The following PCDHGB5 variants were observed in gnomAD, a reference collection of about 807,000 sequenced individuals.
The protein encoded by PCDHGB5 is protocadherin gamma-B5.
Under a neutral mutation model 62.9 loss-of-function variants are expected in PCDHGB5, and 48 were observed. The observed-to-expected ratio is 0.76, with a 90% confidence interval of 0.61 to 0.97. The LOEUF is 0.97. Among genes scored for constraint, PCDHGB5 ranks in the 50% least tolerant of loss-of-function variants. The probability of loss-of-function intolerance (pLI) is 0.00; values close to 1 mark genes in which losing one functional copy is unlikely to be tolerated. For missense variants in PCDHGB5, 1,118 were observed against 1,198.6 expected, an observed-to-expected ratio of 0.93 and a Z score of 0.99; for synonymous variants, 474 against 511.2, an observed-to-expected ratio of 0.93 and a Z score of 0.98.
intron 1 of PCDHGB5, chr5:141,414,096 A>G (rs2095708665): frequency 1.9e-6 from 3 of 1,595,210 alleles, no homozygotes; most frequent in Middle Eastern, 3.3e-4. Context: ...AAATAAAAAT[A>G]TCAGAAAATC....
At chr5:141,444,183 T>G (rs2098423667) in intron 1 of PCDHGB5, among the ~76,000 whole-genome samples, 1 of 138,396 alleles carries the variant, frequency 7.2e-6, no homozygotes, top group African/African-American at 2.8e-5. Flanking sequence ...TTTTTTTTTT[T>G]TTTTTGAGAT....
chr5:141,432,949 CG>C lies in PCDHGB5; in HGVS notation c.2397+32427del, dbSNP rs930064840. 6.2e-7 allele frequency: 1 copy of C among 1,614,066 alleles called. No individual in the cohort carries two copies. Among genetic ancestry groups the C allele is most frequent in the African/African-American group, 1.3e-5 (1 of 74,930 alleles). ...CACGCCTGCTGCAGGCTTCAGGAGG[CG>C]GCTTGACAGGAGCGCCGGCGTCGCA... On this transcript the variant is annotated intron_variant, in intron 1 of 3. Transcript: ENST00000617380. This position sits in a 1 kb window ranked among gnomAD's most constrained non-coding sequence, Gnocchi z 6.0.
In PCDHGB5 at chr5:141,431,627, C is replaced by T. The variant is rs769351473; in HGVS notation, c.2397+31103C>T. 2.5e-6 allele frequency: 4 copies of T among 1,614,076 alleles called. No homozygotes were observed. The South Asian group carries it at 4.4e-5, about 18-fold the overall frequency. On this transcript the variant is annotated intron_variant, in intron 1 of 3. Coordinates refer to ENST00000617380, the MANE Select transcript of PCDHGB5 (RefSeq NM_018925.3). The surrounding 1 kb of genome is among the most constrained non-coding windows in gnomAD (Gnocchi z 4.8). Reference sequence around the variant, plus strand: ...CCGGTATGTGGACGACAAGGCGGCCCAAGTTTTCAAACTAGATTGTAATTC... The same window carrying T: ...CCGGTATGTGGACGACAAGGCGGCCTAAGTTTTCAAACTAGATTGTAATTC...
At chr5:141,473,750 G>A (rs777343462) in intron 1 of PCDHGB5, among the ~76,000 whole-genome samples, 3 of 152,192 alleles carry the variant, frequency 2.0e-5, no homozygotes, top group Non-Finnish European at 4.4e-5. Context: ...TGAGAACTTG[G>A]ATACTATGCA....
intron 1 of PCDHGB5, chr5:141,475,816 C>A (rs1051857446): frequency 1.5e-5 from 5 of 342,872 alleles, no homozygotes; most frequent in Admixed American, 9.0e-5. Context: ...AGTGAAGTTC[C>A]TGGCGCTAGC....
At chr5:141,430,829 T>A (rs763916884) in intron 1 of PCDHGB5, 1 of 1,554,558 alleles carries the variant, frequency 6.4e-7, no homozygotes, top group Non-Finnish European at 8.7e-7. Context: ...GGGGACTCTG[T>A]GGGAGACCGG....
At position 141,431,303 on chromosome 5, in the gene PCDHGB5, G is replaced by T. The variant is rs777784010; in HGVS notation, c.2397+30779G>T. The T allele has an allele frequency of 1.2e-6, 2 of 1,614,060 alleles. No homozygotes were observed. Among genetic ancestry groups the T allele is most frequent in the Non-Finnish European group, 1.7e-6 (2 of 1,180,038 alleles). On this transcript the variant is annotated intron_variant, in intron 1 of 3. Coordinates refer to ENST00000617380, the MANE Select transcript of PCDHGB5 (RefSeq NM_018925.3). The surrounding 1 kb of genome is among the most constrained non-coding windows in gnomAD (Gnocchi z 4.8). ...CCCGAACACTCACTTCTCCCTCATC[G>T]TGCAAAATGGAGCCGACGGTAGTAA...
chr5:141,501,947 T>A (rs2099811963), intron 2 of PCDHGB5, among the ~76,000 whole-genome samples: 1 of 152,152 alleles, frequency 6.6e-6, no homozygotes, highest in Non-Finnish European at 1.5e-5. Context: ...CTGCTCCCTG[T>A]GACAGGTCAT....
intron 1 of PCDHGB5, chr5:141,410,799 C>T: frequency 2.9e-5 from 16 of 560,592 alleles, no homozygotes; most frequent in South Asian, 8.0e-5. Context: ...ATAAGTTGCT[C>T]TATCTTTTTG....
chr5:141,405,553 T>G, intron 1 of PCDHGB5: 1 of 619,004 alleles, frequency 1.6e-6, no homozygotes, highest in Non-Finnish European at 2.8e-6. Flanking sequence ...CCAAGTAGAG[T>G]AGCTGGGACT....
At chr5:141,405,334 T>C in intron 1 of PCDHGB5, 1 of 1,614,196 alleles carries the variant, frequency 6.2e-7, no homozygotes. Flanking sequence ...TGTGCGTCTC[T>C]GTTGATTCCA....
intron 1 of PCDHGB5, chr5:141,402,901 T>C: frequency 1.3e-6 from 2 of 1,520,230 alleles, no homozygotes; most frequent in Non-Finnish European, 1.8e-6. Flanking sequence ...AAGAACCTGA[T>C]GAAGCAGCGC....
At chr5:141,498,830 G>T (rs2099786149) in intron 2 of PCDHGB5, among the ~76,000 whole-genome samples, 1 of 152,080 alleles carries the variant, frequency 6.6e-6, no homozygotes, top group Non-Finnish European at 1.5e-5. Context: ...CTACTCAGGA[G>T]GCTGAGGCAG....
chr5:141,478,415 C>G (rs182700706), intron 1 of PCDHGB5: 5 of 1,613,648 alleles, frequency 3.1e-6, no homozygotes, highest in Non-Finnish European at 4.2e-6. Context: ...CACGGACTCC[C>G]GCCGCAGCGA....
chr5:141,479,521 T>A (rs4912607), intron 1 of PCDHGB5: 2 of 152,104 alleles, frequency 1.3e-5, no homozygotes, highest in Non-Finnish European at 2.9e-5. Context: ...CTGGCCCAGG[T>A]TGGAAGTGGA....
At position 141,476,851 on chromosome 5, in the gene PCDHGB5, C is replaced by T; in HGVS notation, c.2398-17956C>T. ...CGAATGACAATGCGCCTGTCTTCAA[C>T]CAGTCCTTGTACCGGGCGCGCGTCC... On this transcript the variant is annotated intron_variant, in intron 1 of 3. Transcript: ENST00000617380. This position sits in a 1 kb window ranked among gnomAD's most constrained non-coding sequence, Gnocchi z 7.6. The T allele has an allele frequency of 6.2e-7, 1 of 1,613,836 alleles. No individual in the cohort carries two copies. Among genetic ancestry groups the T allele is most frequent in the Non-Finnish European group, 8.5e-7 (1 of 1,180,046 alleles).
intron 1 of PCDHGB5, among the ~76,000 whole-genome samples, chr5:141,406,034 A>T (rs1438349168): frequency 6.7e-6 from 1 of 149,160 alleles, no homozygotes; most frequent in Non-Finnish European, 1.5e-5. Flanking sequence ...GGGTTGCTTC[A>T]TTGGTTGCAG....
At chr5:141,506,444 CAAAAAAAA>C (rs1219684339) in intron 3 of PCDHGB5, among the ~76,000 whole-genome samples, 24 of 95,024 alleles carry the variant, frequency 2.5e-4, no homozygotes, top group African/African-American at 9.5e-4. Flanking sequence ...CGCTCTGTCT[CAAAAAAAA>C]AAAAAAAAAA....
chr5:141,494,712 C>T, intron 1 of PCDHGB5, 95 bp from the exon 2 acceptor site: 1 of 1,603,048 alleles, frequency 6.2e-7, no homozygotes, highest in Non-Finnish European at 8.5e-7. Context: ...TCTGTGCCCA[C>T]TCCCCTCCTT....
Sources: allele counts gnomAD v4.1 joint callset (sites outside exome capture counted in the v4.1 genomes callset), GRCh38; gene constraint gnomAD v4.1.1; non-coding constraint Gnocchi (gnomAD v3.1); transcripts MANE v1.5; gene names NCBI Gene and HGNC (gene_info 2026-07-23, HGNC 2026-07-21).